Variants in IGF2BP3 observed in about 807,000 individuals in gnomAD.
IGF2BP3 encodes insulin-like growth factor 2 mRNA-binding protein 3.
IGF2BP3 carries 9 observed loss-of-function variants against 73.8 expected under a neutral mutation model. The ratio of observed to expected loss-of-function variants is 0.12; its 90% CI spans 0.07 to 0.21. The LOEUF is 0.21. IGF2BP3 is among the 10% of genes least tolerant of loss of function. The pLI is 1.00. For synonymous variants in IGF2BP3, 258 were observed against 256.7 expected, an observed-to-expected ratio of 1.01 and a Z score of -0.05; for missense variants, 542 against 714.0, an observed-to-expected ratio of 0.76 and a Z score of 2.75.
chr7:23,361,393 G>C (rs1009071848), intron 5 of IGF2BP3, 141 bp downstream of exon 5: 1 of 613,702 alleles, frequency 1.6e-6, no homozygotes, highest in East Asian at 2.8e-5. Flanking sequence ...TAAAAAGAAA[G>C]GCACGATTAC....
chr7:23,336,572 C>A (rs1784578784), intron 10 of IGF2BP3, among the ~76,000 whole-genome samples: 1 of 151,744 alleles, frequency 6.6e-6, no homozygotes, highest in South Asian at 2.1e-4. Flanking sequence ...GTGGCACGAT[C>A]TCGGCTCATT....
At chr7:23,384,624 C>A (rs1197817491) in intron 3 of IGF2BP3, among the ~76,000 whole-genome samples, 1 of 152,076 alleles carries the variant, frequency 6.6e-6, no homozygotes. Flanking sequence ...GGCGAGGTGG[C>A]TCATACTGTA....
intron 2 of IGF2BP3, among the ~76,000 whole-genome samples, chr7:23,436,513 T>C (rs1470647206): frequency 6.6e-6 from 1 of 152,194 alleles, no homozygotes; most frequent in African/African-American, 2.4e-5. Context: ...TTCCCTACTC[T>C]CTTAAATCTA....
intron 3 of IGF2BP3, among the ~76,000 whole-genome samples, chr7:23,392,299 C>T (rs1331782900): frequency 6.6e-6 from 1 of 151,856 alleles, no homozygotes; most frequent in Non-Finnish European, 1.5e-5. Context: ...AGAAAGGCAA[C>T]ACTTTCTGCG....
intron 3 of IGF2BP3, among the ~76,000 whole-genome samples, chr7:23,389,157 CCTTTTTTTT>C (rs2128520382): frequency 8.5e-6 from 1 of 117,472 alleles, no homozygotes; most frequent in East Asian, 4.3e-4. Context: ...AGAATTATTC[CCTTTTTTTT>C]TTTTTTTTAA....
rs191881046 is a variant in IGF2BP3, at chr7:23,386,418, T to A, written c.286-24677A>T. On this transcript the variant is annotated intron_variant, in intron 3 of 14. Coordinates refer to ENST00000258729, the MANE Select transcript of IGF2BP3 (RefSeq NM_006547.3). ...TACGTACTCAAAAAGAAAAAACCAA[T>A]CGCAACCAACCAACAAAAAACCACC... Among the ~76,000 whole-genome samples, 25 of 152,040 alleles carry A rather than the reference T, an allele frequency of 1.6e-4. No homozygotes were observed. The East Asian group carries it at 4.8e-3, about 29-fold the overall frequency.
chr7:23,389,645 A>C (rs1226299535), intron 3 of IGF2BP3, among the ~76,000 whole-genome samples: 1 of 152,042 alleles, frequency 6.6e-6, no homozygotes, highest in East Asian at 1.9e-4. Context: ...AGTGTGAAGA[A>C]TATCAGACAT....
At chr7:23,397,909 C>G (rs998670749) in intron 3 of IGF2BP3, among the ~76,000 whole-genome samples, 1 of 152,098 alleles carries the variant, frequency 6.6e-6, no homozygotes, top group African/African-American at 2.4e-5. Context: ...TGGGATTACC[C>G]GGGTGAGCCT....
intron 3 of IGF2BP3, among the ~76,000 whole-genome samples, chr7:23,376,347 C>T (rs556153937): frequency 1.1e-4 from 17 of 150,512 alleles, no homozygotes; most frequent in African/African-American, 3.9e-4. Context: ...ACCTGAGGTC[C>T]GGAGTTTGGA....
intron 10 of IGF2BP3, among the ~76,000 whole-genome samples, chr7:23,332,052 A>T (rs534356387): frequency 6.5e-4 from 99 of 152,176 alleles, no homozygotes; most frequent in Middle Eastern, 6.8e-3. Context: ...ATGAGAACTC[A>T]CTATCACAAG....
chr7:23,330,159 A>C (rs1784407248), intron 10 of IGF2BP3, among the ~76,000 whole-genome samples: 1 of 151,886 alleles, frequency 6.6e-6, no homozygotes. Flanking sequence ...GGTGGCAGGC[A>C]CCTGTAATCC....
intron 5 of IGF2BP3, among the ~76,000 whole-genome samples, chr7:23,357,414 T>C (rs1785123125): frequency 6.6e-6 from 1 of 152,144 alleles, no homozygotes; most frequent in Admixed American, 6.5e-5. Context: ...TTTCAAAGTA[T>C]GAATAAACAT....
At chr7:23,396,700 G>A (rs537838896) in intron 3 of IGF2BP3, among the ~76,000 whole-genome samples, 1 of 151,980 alleles carries the variant, frequency 6.6e-6, no homozygotes, top group Admixed American at 6.6e-5. Flanking sequence ...AAGACTGTTG[G>A]GGGGGAAAAA....
chr7:23,359,159 G>A (rs1281380269), intron 5 of IGF2BP3, among the ~76,000 whole-genome samples: 2 of 152,214 alleles, frequency 1.3e-5, no homozygotes, highest in East Asian at 1.9e-4. Flanking sequence ...GAGAACACCA[G>A]TGTGTCTACA....
intron 3 of IGF2BP3, chr7:23,396,640 C>T (rs1364620623): frequency 6.6e-6 from 1 of 151,622 alleles, no homozygotes; most frequent in Non-Finnish European, 1.5e-5. Flanking sequence ...AAATTGAGGG[C>T]TAAATAATTG....
At chr7:23,392,906 C>G (rs960170857) in intron 3 of IGF2BP3, among the ~76,000 whole-genome samples, 1 of 152,258 alleles carries the variant, frequency 6.6e-6, no homozygotes, top group Non-Finnish European at 1.5e-5. Context: ...ACTGTGATTA[C>G]AGGCATGAGC....
intron 2 of IGF2BP3, among the ~76,000 whole-genome samples, chr7:23,453,131 C>G (rs934527988): frequency 6.6e-6 from 1 of 151,192 alleles, no homozygotes; most frequent in Non-Finnish European, 1.5e-5. Context: ...CCGTCTCAAA[C>G]AAACAAACAA....
intron 2 of IGF2BP3, among the ~76,000 whole-genome samples, chr7:23,462,251 AC>A (rs1788465744): frequency 6.6e-6 from 1 of 152,236 alleles, no homozygotes. Context: ...ATATACCATA[AC>A]CACAATAGAA....
chr7:23,336,200 T>A lies in IGF2BP3; in HGVS notation c.1203+5864A>T, dbSNP rs553213159. ...AGTAGTATATATTAAAAAAAAAAAATTATTTGAAACATTTAGCCATCAAAA... is the reference window on the plus strand; with the variant it reads ...AGTAGTATATATTAAAAAAAAAAAAATATTTGAAACATTTAGCCATCAAAA... On this transcript the variant is annotated intron_variant, in intron 10 of 14. Transcript: ENST00000258729. 6.1e-5 allele frequency among the ~76,000 whole-genome samples: 9 copies of A among 148,746 alleles called. No homozygotes were observed. In the South Asian group the frequency reaches 1.1e-3, roughly 17 times the overall value.
Sources: allele counts gnomAD v4.1 joint callset (sites outside exome capture counted in the v4.1 genomes callset), GRCh38; gene constraint gnomAD v4.1.1; transcripts MANE v1.5; gene names NCBI Gene and HGNC (gene_info 2026-07-23, HGNC 2026-07-21).